The following CENPU variants were observed in gnomAD, a reference collection of about 807,000 sequenced individuals.
The protein encoded by CENPU is KSHV latent nuclear antigen interacting protein 1.
In CENPU, 46 loss-of-function variants were observed where a neutral mutation model predicts 56.7. The ratio of observed to expected loss-of-function variants is 0.81; its 90% CI spans 0.64 to 1.04. CENPU has a LOEUF of 1.04. CENPU is among the 50% of genes least tolerant of loss of function. The pLI, the probability that CENPU is intolerant of heterozygous loss-of-function variation, is 0.00. For synonymous variants in CENPU, 166 were observed against 163.0 expected, an observed-to-expected ratio of 1.02 and a Z score of -0.14; for missense variants, 510 against 490.1, an observed-to-expected ratio of 1.04 and a Z score of -0.38.
chr4:184,701,477 C>T (rs750677438), intron 10 of CENPU, among the ~76,000 whole-genome samples: 20 of 152,128 alleles, frequency 1.3e-4, no homozygotes, highest in South Asian at 4.1e-4. Flanking sequence ...GGTGGACTTC[C>T]ACTCCTGGAT....
chr4:184,733,790 G>A (rs1442139183), intron 1 of CENPU, among the ~76,000 whole-genome samples: 1 of 152,194 alleles, frequency 6.6e-6, no homozygotes, highest in Non-Finnish European at 1.5e-5. Context: ...ACTGGCTGAC[G>A]TCTCTCCCAC....
At chr4:184,712,851 T>TA in intron 7 of CENPU, 93 bp downstream of exon 7, 1 of 866,848 alleles carries the variant, frequency 1.2e-6, no homozygotes, top group Non-Finnish European at 1.8e-6. Context: ...TTTATGTACT[T>TA]ACAATTTACT....
chr4:184,709,276 CAGG>C (rs1290634297), intron 8 of CENPU, among the ~76,000 whole-genome samples: 2 of 152,202 alleles, frequency 1.3e-5, no homozygotes, highest in Non-Finnish European at 2.9e-5. Flanking sequence ...ATCACGAGAT[CAGG>C]AGATCGAGAC....
chr4:184,726,221 C>T (rs922241677), intron 3 of CENPU, among the ~76,000 whole-genome samples: 1 of 152,106 alleles, frequency 6.6e-6, no homozygotes, highest in Non-Finnish European at 1.5e-5. Flanking sequence ...CAATCCCAAA[C>T]GTCCACAGAT....
At chr4:184,720,001 C>A (rs1761221770) in intron 4 of CENPU, among the ~76,000 whole-genome samples, 1 of 152,102 alleles carries the variant, frequency 6.6e-6, no homozygotes, top group African/African-American at 2.4e-5. Flanking sequence ...TCAAGACCAT[C>A]CAGTGAAACA....
In CENPU at chr4:184,694,254, C is replaced by A; in HGVS notation, c.*1034G>T. On this transcript the variant is annotated 3_prime_UTR_variant, in exon 13 of 13. Coordinates refer to ENST00000281453, the MANE Select transcript of CENPU (RefSeq NM_024629.4). ...AAAAATTAAATCCACCCTTGCTCTT[C>A]CGTCGGGGAGTATTGAAAAGTATGT... is the stretch of plus-strand genomic sequence containing the variant. 2 of 1,152,390 alleles carry A rather than the reference C, an allele frequency of 1.7e-6. No individual in the cohort carries two copies. The highest frequency in any genetic ancestry group is 2.1e-6 in the Non-Finnish European group (2 of 934,292). The allele number at this position is 1,152,390 out of a possible 1,614,324, so 71.4% of individuals were successfully genotyped here. A position where few individuals can be genotyped will look rare whatever the true frequency, so the allele number is the denominator to read the frequency against.
At position 184,708,231 on chromosome 4, in the gene CENPU, A is replaced by G. The variant is rs951710917; in HGVS notation, c.797+1841T>C. Among the ~76,000 whole-genome samples, 11 of 102,180 alleles carry G rather than the reference A, an allele frequency of 1.1e-4. No homozygotes were observed. The South Asian group carries it at 1.8e-3, about 17-fold the overall frequency. The allele number at this position is 102,180 out of a possible 152,430, so 67.0% of individuals were successfully genotyped here. A position where few individuals can be genotyped will look rare whatever the true frequency, so the allele number is the denominator to read the frequency against. ...GAGTGAGACTCCATCTCAAAAAAAA[A>G]AAAAAAAAAAAAAGCAGAAATATTA... On this transcript the variant is annotated intron_variant, in intron 8 of 12. Transcript: ENST00000281453.
At chr4:184,704,243 T>C (rs7673203) in intron 8 of CENPU, among the ~76,000 whole-genome samples, 27,025 of 151,958 alleles carry the variant, frequency 0.18, 2,674 homozygotes, top group African/African-American at 0.26. Context: ...CCACGCCTAA[T>C]TTTTAACTTT....
rs572858058 is a variant in CENPU at position 184,695,325 on chromosome 4, A to G, written c.1220T>C (p.Ile407Thr). The change falls in exon 13 of 13, where the codon ATC becomes ACC. Residue 407 changes from isoleucine (I) to threonine (T), a missense_variant. Physicochemically the swap from Ile to Thr is moderately conservative, Grantham distance 89 (BLOSUM62 -1). Transcript: ENST00000281453. ...AAGGAGCTTCTCTAACTGATGGTTG[A>G]TATTTCGCAGATGGCTTTCGGCTCC... is the stretch of plus-strand genomic sequence containing the variant. ...LLGAESHLRN[I>T]NHQLEKLLDQ... The G allele has an allele frequency of 5.9e-5, 96 of 1,613,580 alleles. 1 individual carries two copies. In the South Asian group the frequency reaches 9.7e-4, roughly 16 times the overall value.
chr4:184,718,302 G>A (rs1004862314), intron 4 of CENPU, among the ~76,000 whole-genome samples: 3 of 152,210 alleles, frequency 2.0e-5, no homozygotes, highest in Admixed American at 6.5e-5. Context: ...GTTCAGAACC[G>A]TAGGCACTGC....
intron 3 of CENPU, among the ~76,000 whole-genome samples, chr4:184,726,432 T>C (rs781674026): frequency 2.6e-5 from 4 of 151,432 alleles, no homozygotes; most frequent in Non-Finnish European, 5.9e-5. Flanking sequence ...CCATTAGTAA[T>C]TAGGGAAATA....
At chr4:184,730,002 TTCCTGG>T (rs1761582954) in intron 2 of CENPU, among the ~76,000 whole-genome samples, 1 of 152,186 alleles carries the variant, frequency 6.6e-6, no homozygotes, top group South Asian at 2.1e-4. Context: ...GAAAGAATCA[TTCCTGG>T]AGTGCTTGGG....
intron 6 of CENPU, 87 bp from the exon 7 acceptor site, chr4:184,713,100 C>T: frequency 1.1e-6 from 1 of 892,182 alleles, no homozygotes; most frequent in Non-Finnish European, 1.7e-6. Flanking sequence ...AACTGTCATT[C>T]AATATTTTAG....
Position 184,700,921 on chromosome 4 carries a change from CTGTT to C in CENPU, c.925-44_925-41del, listed in dbSNP as rs747409262. 4.9e-5 allele frequency: 76 copies of C among 1,536,304 alleles called. 2 individuals are homozygous for C. Among genetic ancestry groups the C allele is most frequent in the Middle Eastern group, 3.6e-4 (2 of 5,618 alleles). On this transcript the variant is annotated intron_variant, in intron 10 of 12. Transcript: ENST00000281453. ...CATTTGTGTTAAAATTAATTTGTAA[CTGTT>C]TGAGCACTGCCACATAAGCTGCCAG...
At chr4:184,705,417 T>C (rs1760691834) in intron 8 of CENPU, among the ~76,000 whole-genome samples, 1 of 152,056 alleles carries the variant, frequency 6.6e-6, no homozygotes, top group Non-Finnish European at 1.5e-5. Flanking sequence ...CTTGGGGCTG[T>C]GGGTGTAGTT....
chr4:184,725,042 C>G lies in CENPU; in HGVS notation c.235G>C (p.Ala79Pro), dbSNP rs1217574067. ...ETFDPPLHST[A>P]IYADEEEFSK... is the part of the protein sequence containing the mutation. ...AATTCTTCTTCATCAGCATATATAGCTGTGCTATGTAAAGGAGGATCTTTC... is the reference window on the plus strand; with the variant it reads ...AATTCTTCTTCATCAGCATATATAGGTGTGCTATGTAAAGGAGGATCTTTC... Residue 79 changes from alanine (A) to proline (P), a missense_variant, in exon 4 of 13, where the codon GCT becomes CCT. By Grantham distance (27) the Ala-to-Pro change is conservative. Coordinates refer to ENST00000281453, the MANE Select transcript of CENPU (RefSeq NM_024629.4). 3.7e-6 allele frequency: 6 copies of G among 1,609,716 alleles called. No individual in the cohort carries two copies. The highest frequency in any genetic ancestry group is 5.1e-6 in the Non-Finnish European group (6 of 1,177,824).
chr4:184,721,517 C>G (rs1761277792), intron 4 of CENPU, among the ~76,000 whole-genome samples: 1 of 144,718 alleles, frequency 6.9e-6, no homozygotes, highest in Admixed American at 6.8e-5. Flanking sequence ...ACACATTTCA[C>G]CTATAAAGAT....
At chr4:184,708,547 A>T (rs1561133224) in intron 8 of CENPU, among the ~76,000 whole-genome samples, 1 of 152,076 alleles carries the variant, frequency 6.6e-6, no homozygotes, top group African/African-American at 2.4e-5. Context: ...GAAAAAAAAT[A>T]ACAGTTTAGA....
chr4:184,697,600 C>T (rs376256017), intron 12 of CENPU, 47 bp downstream of exon 12: 15 of 1,581,816 alleles, frequency 9.5e-6, no homozygotes, highest in Non-Finnish European at 1.3e-5. Context: ...AAAATGCCCT[C>T]CCACAATCAT....
Sources: allele counts gnomAD v4.1 joint callset (sites outside exome capture counted in the v4.1 genomes callset), GRCh38; gene constraint gnomAD v4.1.1; transcripts MANE v1.5; gene names NCBI Gene and HGNC (gene_info 2026-07-23, HGNC 2026-07-21).